Variants in SAYSD1 observed in about 807,000 individuals in gnomAD.
The protein encoded by SAYSD1 is SAYSvFN domain-containing protein 1.
SAYSD1 carries 15 observed loss-of-function variants against 14.5 expected under a neutral mutation model. The ratio of observed to expected loss-of-function variants is 1.03; its 90% CI spans 0.69 to 1.59. The LOEUF (loss-of-function observed/expected upper bound fraction) is 1.59. Ranked by LOEUF, SAYSD1 falls within the 40% of genes most tolerant of loss-of-function variation. The pLI is 0.00. For synonymous variants in SAYSD1, 105 were observed against 102.6 expected, an observed-to-expected ratio of 1.02 and a Z score of -0.14; for missense variants, 247 against 227.3, an observed-to-expected ratio of 1.09 and a Z score of -0.56.
chr6:39,105,350 C>G lies in SAYSD1; in HGVS notation c.*82G>C, dbSNP rs1418547375. On this transcript the variant is annotated 3_prime_UTR_variant, in exon 2 of 2. Transcript: ENST00000229903. ...AGCTAACCCGCAAGCTGCCCTTAGT[C>G]CTATACACCTGAAATCAAATCCATA... The G allele has an allele frequency of 2.5e-6, 3 of 1,223,720 alleles. No individual in the cohort carries two copies. The highest frequency in any genetic ancestry group is 3.5e-6 in the Non-Finnish European group (3 of 852,632). The allele number at this position is 1,223,720 out of a possible 1,614,324, so 75.8% of individuals were successfully genotyped here.
Position 39,109,369 on chromosome 6 carries a change from GC to G in SAYSD1, c.208-3594del, listed in dbSNP as rs759565296. ...CGTCACAGAATTATTTCAGGAAACT[GC>G]TTTTCTCCAAGCAAAATCTGGTAGT... On this transcript the variant is annotated intron_variant, in intron 1 of 1. Coordinates refer to ENST00000229903, the MANE Select transcript of SAYSD1 (RefSeq NM_018322.3). The G allele has an allele frequency of 8.4e-5, 130 of 1,550,808 alleles. 1 individual carries two copies. The highest frequency in any genetic ancestry group is 5.0e-4 in the Middle Eastern group (3 of 5,992).
chr6:39,107,453 GAAGCCACGTGTCTC>G (rs1339802228), intron 1 of SAYSD1, among the ~76,000 whole-genome samples: 1 of 152,142 alleles, frequency 6.6e-6, no homozygotes, highest in Non-Finnish European at 1.5e-5. Context: ...TAAGTACCAG[GAAGCCACGTGTCTC>G]CAGATCCAAA....
intron 1 of SAYSD1, chr6:39,111,568 G>A (rs1769626843): frequency 6.6e-6 from 1 of 152,092 alleles, no homozygotes; most frequent in African/African-American, 2.4e-5. Context: ...AGGTCAAAAA[G>A]CAAACTCATT....
intron 1 of SAYSD1, among the ~76,000 whole-genome samples, chr6:39,107,979 G>A (rs2113736695): frequency 6.6e-6 from 1 of 152,318 alleles, no homozygotes; most frequent in South Asian, 2.1e-4. Context: ...CCAAAAGCAT[G>A]AAATCCCTGG....
At chr6:39,109,510 C>A in intron 1 of SAYSD1, 2 of 1,466,128 alleles carry the variant, frequency 1.4e-6, no homozygotes, top group South Asian at 1.4e-5. Context: ...CAGAGCTTGG[C>A]CCAAATGGAG....
At position 39,105,679 on chromosome 6, in the gene SAYSD1, G is replaced by GT; in HGVS notation, c.304dup (p.Thr102AsnfsTer41). 6.2e-7 allele frequency: 1 copy of GT among 1,614,236 alleles called. No individual in the cohort carries two copies. Among genetic ancestry groups the GT allele is most frequent in the Non-Finnish European group, 8.5e-7 (1 of 1,180,036 alleles). Reference sequence around the variant, plus strand: ...CAACCAGAGAAGAACCTTCAAGAAGGTGATATTGGTCAGGAAAGACTGGTC... The same window carrying GT: ...CAACCAGAGAAGAACCTTCAAGAAGGTTGATATTGGTCAGGAAAGACTGGTC... On this transcript the variant is annotated frameshift_variant, in exon 2 of 2. Transcript: ENST00000229903. LOFTEE classifies it high-confidence loss of function.
At chr6:39,113,722 T>G (rs1306682135) in intron 1 of SAYSD1, 1 of 152,396 alleles carries the variant, frequency 6.6e-6, no homozygotes, top group Non-Finnish European at 1.5e-5. Flanking sequence ...GTTTTTTAAC[T>G]GCAGAGAGAA....
chr6:39,106,420 A>G (rs1365089863), intron 1 of SAYSD1, among the ~76,000 whole-genome samples: 3 of 152,098 alleles, frequency 2.0e-5, no homozygotes, highest in Admixed American at 6.5e-5. Flanking sequence ...CCAGCTACTC[A>G]GGAGGCCAAG....
chr6:39,105,850 G>A, intron 1 of SAYSD1, 74 bp from the exon 2 acceptor site: 2 of 1,399,352 alleles, frequency 1.4e-6, no homozygotes, highest in Non-Finnish European at 2.0e-6. Flanking sequence ...ATCTGAAAAG[G>A]CAGTTTTCAT....
At chr6:39,107,509 T>C (rs902871494) in intron 1 of SAYSD1, among the ~76,000 whole-genome samples, 18 of 152,230 alleles carry the variant, frequency 1.2e-4, no homozygotes, top group African/African-American at 4.1e-4. Context: ...TCTCAATTCA[T>C]AGCAGAACTT....
At position 39,108,812 on chromosome 6, in the gene SAYSD1, T is replaced by C. The variant is rs144681228; in HGVS notation, c.208-3036A>G. Among the ~76,000 whole-genome samples the C allele has an allele frequency of 4.0e-3, 611 of 152,288 alleles. 14 individuals are homozygous for C. Among genetic ancestry groups the C allele is most frequent in the Admixed American group, 0.033 (506 of 15,296 alleles). On this transcript the variant is annotated intron_variant, in intron 1 of 1. Transcript: ENST00000229903. ...CTCCTCCTTAGTGAGTTCTCCCTGCTCAGCTGATTTAAAATAGTACTCTGC... is the reference window on the plus strand; with the variant it reads ...CTCCTCCTTAGTGAGTTCTCCCTGCCCAGCTGATTTAAAATAGTACTCTGC...
At chr6:39,109,544 A>G in intron 1 of SAYSD1, 1 of 1,440,358 alleles carries the variant, frequency 6.9e-7, no homozygotes, top group Non-Finnish European at 9.1e-7. Context: ...TGTTGCTCCA[A>G]ATGACATGGT....
chr6:39,114,827 G>C, intron 1 of SAYSD1, 56 bp downstream of exon 1: 1 of 1,557,720 alleles, frequency 6.4e-7, no homozygotes, highest in Non-Finnish European at 8.8e-7. Flanking sequence ...CTAGGGCCGC[G>C]CCCTCGACTG....
intron 1 of SAYSD1, among the ~76,000 whole-genome samples, chr6:39,109,877 T>C (rs1402129057): frequency 6.6e-6 from 1 of 152,210 alleles, no homozygotes; most frequent in African/African-American, 2.4e-5. Context: ...GTCCTCTAGG[T>C]TCAACAGTGT....
In SAYSD1 at chr6:39,104,535, C is replaced by T. The variant is rs1444293450; in HGVS notation, c.*897G>A. ...TCTAGGTTGCGTGCTCCTTATGAGACTCTAATGCCTGATGATCTGAGGTGG... is the reference window on the plus strand; with the variant it reads ...TCTAGGTTGCGTGCTCCTTATGAGATTCTAATGCCTGATGATCTGAGGTGG... On this transcript the variant is annotated 3_prime_UTR_variant, in exon 2 of 2. Transcript: ENST00000229903. 2.0e-5 allele frequency: 3 copies of T among 152,026 alleles called. No individual in the cohort carries two copies. Among genetic ancestry groups the T allele is most frequent in the Non-Finnish European group, 4.4e-5 (3 of 68,044 alleles). 9.4% of individuals were successfully genotyped at this position (152,026 alleles called of 1,614,324 possible).
At position 39,105,658 on chromosome 6, in the gene SAYSD1, C is replaced by CAGAGA; in HGVS notation, c.321_325dup (p.Trp109PhefsTer60). On this transcript the variant is annotated frameshift_variant, in exon 2 of 2. Coordinates refer to ENST00000229903, the MANE Select transcript of SAYSD1 (RefSeq NM_018322.3). LOFTEE classifies it high-confidence loss of function. ...CACAAACAGTCCCAGCAGGACCAAC[C>CAGAGA]AGAGAAGAACCTTCAAGAAGGTGAT... 6.2e-7 allele frequency: 1 copy of CAGAGA among 1,614,152 alleles called. No homozygotes were observed. Among genetic ancestry groups the CAGAGA allele is most frequent in the Non-Finnish European group, 8.5e-7 (1 of 1,180,028 alleles).
rs946609001 is a variant in SAYSD1 at position 39,105,358 on chromosome 6, C to T, written c.*74G>A. The T allele has an allele frequency of 1.5e-6, 2 of 1,331,754 alleles. No homozygotes were observed. Among genetic ancestry groups the T allele is most frequent in the South Asian group, 1.3e-5 (1 of 77,720 alleles). The allele number at this position is 1,331,754 out of a possible 1,614,324, so 82.5% of individuals were successfully genotyped here. A position where few individuals can be genotyped will look rare whatever the true frequency, so the allele number is the denominator to read the frequency against. ...CGCAAGCTGCCCTTAGTCCTATACA[C>T]CTGAAATCAAATCCATAGCCAATGG... is the stretch of plus-strand genomic sequence containing the variant. On this transcript the variant is annotated 3_prime_UTR_variant, in exon 2 of 2. Transcript: ENST00000229903.
Position 39,105,085 on chromosome 6 carries a change from T to C in SAYSD1, c.*347A>G. 8.1e-6 allele frequency: 2 copies of C among 247,424 alleles called. No homozygotes were observed. The highest frequency in any genetic ancestry group is 9.3e-5 in the East Asian group (1 of 10,786). The allele number at this position is 247,424 out of a possible 1,614,324, so 15.3% of individuals were successfully genotyped here. A position where few individuals can be genotyped will look rare whatever the true frequency, so the allele number is the denominator to read the frequency against. ...AATGCAGCCCTGATGTACCTAATCA[T>C]ACTTCAAACTGCTGGATGTTTTAAG... On this transcript the variant is annotated 3_prime_UTR_variant, in exon 2 of 2. Transcript: ENST00000229903.
At chr6:39,114,082 C>A (rs56930438) in intron 1 of SAYSD1, among the ~76,000 whole-genome samples, 2 of 151,538 alleles carry the variant, frequency 1.3e-5, no homozygotes, top group South Asian at 4.2e-4. Flanking sequence ...GTTCTTATTG[C>A]ACTTATGAGG....
Sources: gnomAD v4.1 joint callset for allele counts (sites outside exome capture counted in the v4.1 genomes callset) on GRCh38, gnomAD v4.1.1 for gene constraint, MANE v1.5 for transcripts, NCBI Gene and HGNC (gene_info 2026-07-23, HGNC 2026-07-21) for gene names.